Variants in SGCD observed in about 807,000 individuals in gnomAD.
SGCD encodes sarcoglycan delta.
In SGCD, 18 loss-of-function variants were observed where a neutral mutation model predicts 36.6. The observed-to-expected ratio is 0.49, with a 90% CI of 0.34 to 0.73. SGCD has a LOEUF of 0.73. SGCD is among the 30% of genes least tolerant of loss of function. The pLI is 0.01. For missense variants in SGCD, 387 were observed against 346.7 expected (o/e 1.12, Z -0.92); for synonymous variants, 133 against 130.6 (o/e 1.02, Z -0.12).
intron 1 of SGCD, among the ~76,000 whole-genome samples, chr5:156,000,501 G>C (rs1053292507): frequency 1.3e-5 from 2 of 152,130 alleles, no homozygotes; most frequent in African/African-American, 4.8e-5. Context: ...ACTTTTAAAA[G>C]AAATTAGCAG....
the SGCD span, among the ~76,000 whole-genome samples, chr5:155,765,839 C>T: frequency 6.6e-6 from 1 of 152,124 alleles, no homozygotes; most frequent in African/African-American, 2.4e-5. Context: ...GGTGGTACCT[C>T]CTGGGAAGAA....
At chr5:155,997,988 A>G (rs1327318275) in intron 1 of SGCD, among the ~76,000 whole-genome samples, 1 of 152,200 alleles carries the variant, frequency 6.6e-6, no homozygotes, top group Non-Finnish European at 1.5e-5. Flanking sequence ...TAAATTGTGA[A>G]TCCTTAGAAT....
intron 3 of SGCD, among the ~76,000 whole-genome samples, chr5:156,171,787 C>G (rs1378190177): frequency 6.6e-6 from 1 of 152,030 alleles, no homozygotes; most frequent in Non-Finnish European, 1.5e-5. Context: ...TCTTCTTGTG[C>G]CTTTCAAATC....
chr5:156,056,422 A>G (rs1760058735), intron 1 of SGCD, among the ~76,000 whole-genome samples: 1 of 144,784 alleles, frequency 6.9e-6, no homozygotes, highest in Non-Finnish European at 1.6e-5. Context: ...AATAACATCA[A>G]TATTGTAGGA....
chr5:156,742,184 CT>C (rs1283860438), intron 7 of SGCD, among the ~76,000 whole-genome samples: 3 of 152,102 alleles, frequency 2.0e-5, no homozygotes, highest in Non-Finnish European at 4.4e-5. Flanking sequence ...CCTCAGGTTT[CT>C]TTTTCTTGAG....
intron 7 of SGCD, among the ~76,000 whole-genome samples, chr5:156,742,639 A>G (rs1243689232): frequency 4.6e-5 from 7 of 152,176 alleles, no homozygotes; most frequent in African/African-American, 1.7e-4. Flanking sequence ...GACTCACACA[A>G]TTACAGAAGC....
chr5:155,742,979 T>C, the SGCD span, among the ~76,000 whole-genome samples: 1 of 152,218 alleles, frequency 6.6e-6, no homozygotes, highest in African/African-American at 2.4e-5. Context: ...ATGTAAGAGA[T>C]ACATAGTGTA....
At chr5:156,227,545 G>A (rs190729769) in intron 3 of SGCD, among the ~76,000 whole-genome samples, 1 of 151,776 alleles carries the variant, frequency 6.6e-6, no homozygotes, top group Non-Finnish European at 1.5e-5. Flanking sequence ...GATGCCTCTA[G>A]ATTTGTTCTT....
chr5:156,512,497 A>G lies in SGCD; in HGVS notation c.294+3795A>G, dbSNP rs530820256. Among the ~76,000 whole-genome samples, 4 of 152,296 alleles carry G rather than the reference A, an allele frequency of 2.6e-5. No individual in the cohort carries two copies. The South Asian group carries it at 6.2e-4, about 24-fold the overall frequency. On this transcript the variant is annotated intron_variant, in intron 4 of 8. Transcript: ENST00000337851. ...TAGAGTACACCATCTAGGTTGGTGT[A>G]AGGACACTCTATGATGTTCATGCAA...
chr5:155,946,173 G>T (rs967365753), intron 1 of SGCD, among the ~76,000 whole-genome samples: 2 of 152,168 alleles, frequency 1.3e-5, no homozygotes, highest in Admixed American at 1.3e-4. Flanking sequence ...GAGAACTCAT[G>T]ATTCCTCTTA....
intron 3 of SGCD, among the ~76,000 whole-genome samples, chr5:156,230,566 A>G (rs1451471074): frequency 6.6e-6 from 1 of 152,140 alleles, no homozygotes; most frequent in African/African-American, 2.4e-5. Flanking sequence ...AGAACCTGTT[A>G]GTAATTGGGG....
At chr5:156,323,768 A>G (rs1479058758), upstream of SGCD, among the ~76,000 whole-genome samples, 1 of 152,238 alleles carries the variant, frequency 6.6e-6, no homozygotes, top group Non-Finnish European at 1.5e-5. Context: ...GTCACCATGT[A>G]TGGAAGGATT....
At chr5:155,799,399 T>TA in the SGCD span, among the ~76,000 whole-genome samples, 2 of 151,204 alleles carry the variant, frequency 1.3e-5, no homozygotes, top group African/African-American at 4.9e-5. Context: ...TGACTTTATT[T>TA]TTTTTTTTTT....
Position 156,329,549 on chromosome 5 carries a change from G to A in SGCD, c.-28G>A. The A allele has an allele frequency of 4.3e-6, 7 of 1,612,954 alleles. No individual in the cohort carries two copies. Among genetic ancestry groups the A allele is most frequent in the Non-Finnish European group, 5.9e-6 (7 of 1,179,034 alleles). On this transcript the variant is annotated 5_prime_UTR_variant, in exon 2 of 9. Coordinates refer to ENST00000337851, the MANE Select transcript of SGCD (RefSeq NM_000337.6). ...TTCCTTGCAGAGACATTACTGCCGG[G>A]AGTGTTGAGTGAAGGGACCAGGTGG... is the stretch of plus-strand genomic sequence containing the variant.
At chr5:156,712,889 A>T (rs1697876140) in intron 7 of SGCD, among the ~76,000 whole-genome samples, 4 of 152,134 alleles carry the variant, frequency 2.6e-5, no homozygotes, top group Admixed American at 2.6e-4. Flanking sequence ...TGGGAAACTG[A>T]TGAGTTTACT....
At chr5:156,592,025 TTG>T (rs1760741259) in intron 5 of SGCD, among the ~76,000 whole-genome samples, 2 of 152,194 alleles carry the variant, frequency 1.3e-5, no homozygotes, top group Non-Finnish European at 2.9e-5. Flanking sequence ...GATAGCTTAA[TTG>T]TACTTTGTGT....
chr5:155,910,413 C>T (rs1313233092), intron 1 of SGCD, among the ~76,000 whole-genome samples: 1 of 152,018 alleles, frequency 6.6e-6, no homozygotes, highest in Non-Finnish European at 1.5e-5. Flanking sequence ...AGAAATCCAG[C>T]AGCGAGAAGT....
At chr5:155,785,718 C>T in the SGCD span, among the ~76,000 whole-genome samples, 2 of 152,234 alleles carry the variant, frequency 1.3e-5, no homozygotes, top group East Asian at 1.9e-4. Flanking sequence ...AAAGTACAAA[C>T]ACATATGTGA....
intron 1 of SGCD, among the ~76,000 whole-genome samples, chr5:155,971,933 T>C (rs1758014522): frequency 6.6e-6 from 1 of 152,142 alleles, no homozygotes; most frequent in South Asian, 2.1e-4. Context: ...AATCATGGGT[T>C]CCTCAATCTT....
Sources: gnomAD v4.1 joint callset for allele counts (sites outside exome capture counted in the v4.1 genomes callset) on GRCh38, gnomAD v4.1.1 for gene constraint, MANE v1.5 for transcripts, NCBI Gene and HGNC (gene_info 2026-07-23, HGNC 2026-07-21) for gene names.